Variants in SYAP1 observed in about 807,000 individuals in gnomAD.
The protein encoded by SYAP1 is synapse-associated protein 1.
SYAP1 carries 3 observed loss-of-function variants against 29.6 expected under a neutral mutation model. That is an observed-to-expected ratio of 0.10 (90% CI 0.05 to 0.26). SYAP1 has a LOEUF of 0.26. Ranked by LOEUF, SYAP1 falls within the 10% of genes least tolerant of loss-of-function variation. The pLI is 1.00. For missense variants in SYAP1, 217 were observed against 264.1 expected, an observed-to-expected ratio of 0.82 and a Z score of 1.24; for synonymous variants, 102 against 102.7, an observed-to-expected ratio of 0.99 and a Z score of 0.04.
At chrX:16,750,250 A>G (rs1033059192) in intron 5 of SYAP1, among the ~76,000 whole-genome samples, 1 of 111,944 alleles carries the variant, frequency 8.9e-6, no homozygotes, top group Non-Finnish European at 1.9e-5. Flanking sequence ...CTCTTTTAGC[A>G]GTGGTAGCAT....
intron 1 of SYAP1, among the ~76,000 whole-genome samples, chrX:16,730,268 C>A (rs1473728082): frequency 8.9e-6 from 1 of 112,183 alleles, no homozygotes; most frequent in Non-Finnish European, 1.9e-5. Flanking sequence ...GCAGGAGAAT[C>A]GCTTGAAACC....
chrX:16,725,225 T>A (rs58211010), intron 1 of SYAP1, among the ~76,000 whole-genome samples: 3 of 112,401 alleles, frequency 2.7e-5, no homozygotes, highest in African/African-American at 9.7e-5. Flanking sequence ...TACATTTGAA[T>A]TTGACTTCCT....
chrX:16,752,586 ACT>A (rs1485345757), intron 5 of SYAP1, among the ~76,000 whole-genome samples: 1 of 108,647 alleles, frequency 9.2e-6, no homozygotes, highest in Non-Finnish European at 1.9e-5. Flanking sequence ...TTACCATCTC[ACT>A]CTCAGACCCC....
At chrX:16,747,067 C>T (rs1926625759) in intron 5 of SYAP1, among the ~76,000 whole-genome samples, 2 of 111,493 alleles carry the variant, frequency 1.8e-5, no homozygotes, top group Middle Eastern at 4.6e-3. Context: ...TTTCCTGTCT[C>T]GGCCTCCCAA....
chrX:16,734,186 C>T lies in SYAP1; in HGVS notation c.176-1041C>T, dbSNP rs895135830. Among the ~76,000 whole-genome samples the T allele has an allele frequency of 5.5e-5, 6 of 109,119 alleles. No homozygotes were observed. The East Asian group carries it at 1.7e-3, about 32-fold the overall frequency. 94.8% of individuals were successfully genotyped at this position (109,119 alleles called of 115,157 possible). A position where few individuals can be genotyped will look rare whatever the true frequency, so the allele number is the denominator to read the frequency against. ...CTGAGGTCAGGAGTTTGAGACCAGC[C>T]TGGCCAACATGGTGAAATCCCATCT... On this transcript the variant is annotated intron_variant, in intron 1 of 8. Transcript: ENST00000380155.
chrX:16,734,944 A>G (rs990807078), intron 1 of SYAP1, among the ~76,000 whole-genome samples: 8 of 97,773 alleles, frequency 8.2e-5, no homozygotes, highest in Non-Finnish European at 1.0e-4. Context: ...GCTTGCAGTG[A>G]GCTGAGATCA....
chrX:16,765,185 A>G lies in SYAP1; in HGVS notation c.*4826A>G, dbSNP rs1199161930. ...ATCAAATTATTTATCTGGTCTTCACACTAAGGGATTTACTTAGATAAGCCA... is the reference window on the plus strand; with the variant it reads ...ATCAAATTATTTATCTGGTCTTCACGCTAAGGGATTTACTTAGATAAGCCA... On this transcript the variant is annotated 3_prime_UTR_variant, in exon 9 of 9. Coordinates refer to ENST00000380155, the MANE Select transcript of SYAP1 (RefSeq NM_032796.4). 1 of 112,450 alleles carries G rather than the reference A, an allele frequency of 8.9e-6. No individual in the cohort carries two copies. Among genetic ancestry groups the G allele is most frequent in the African/African-American group, 3.2e-5 (1 of 31,031 alleles). The allele number at this position is 112,450 out of a possible 1,213,427, so 9.3% of individuals were successfully genotyped here.
intron 2 of SYAP1, among the ~76,000 whole-genome samples, chrX:16,735,611 G>A (rs1051309972): frequency 3.6e-5 from 4 of 111,490 alleles, no homozygotes; most frequent in Non-Finnish European, 7.5e-5. Flanking sequence ...AACTTTTCAT[G>A]TTGGTTGTTT....
Position 16,760,500 on chromosome X carries a change from T to A in SYAP1, c.*141T>A. ...ATTATTCTTTTTTCAAGTTGAAACT[T>A]GCCTCTTCTACTTTAAAAAAGTATA... On this transcript the variant is annotated 3_prime_UTR_variant, in exon 9 of 9. Transcript: ENST00000380155. The A allele has an allele frequency of 3.6e-6, 2 of 560,305 alleles. No individual in the cohort carries two copies. Among genetic ancestry groups the A allele is most frequent in the Non-Finnish European group, 5.1e-6 (2 of 389,035 alleles). 46.2% of individuals were successfully genotyped at this position (560,305 alleles called of 1,213,427 possible). A position where few individuals can be genotyped will look rare whatever the true frequency, so the allele number is the denominator to read the frequency against.
At chrX:16,729,829 C>T (rs1473671823) in intron 1 of SYAP1, among the ~76,000 whole-genome samples, 2 of 111,224 alleles carry the variant, frequency 1.8e-5, no homozygotes, top group African/African-American at 6.5e-5. Context: ...CTGGATGATA[C>T]TCTTTTAACT....
chrX:16,757,402 A>C (rs542632476), intron 8 of SYAP1, 93 bp downstream of exon 8: 1 of 976,330 alleles, frequency 1.0e-6, no homozygotes, highest in Middle Eastern at 3.5e-4. Flanking sequence ...GCCAGTGCAC[A>C]AAAATGTGTT....
chrX:16,727,672 C>G, intron 1 of SYAP1, among the ~76,000 whole-genome samples: 1 of 110,618 alleles, frequency 9.0e-6, no homozygotes, highest in African/African-American at 3.3e-5. Context: ...CCAAGCCCAG[C>G]CATGGATTTG....
Position 16,743,772 on chromosome X carries a change from C to T in SYAP1, c.507C>T (p.Pro169=), listed in dbSNP as rs749574916. 8 of 1,208,396 alleles carry T rather than the reference C, an allele frequency of 6.6e-6. No homozygotes were observed. Among genetic ancestry groups the T allele is most frequent in the Admixed American group, 6.6e-5 (3 of 45,573 alleles). Residue 169 remains proline (P), a synonymous_variant, in exon 5 of 9, where the codon CCC becomes CCT. Coordinates refer to ENST00000380155, the MANE Select transcript of SYAP1 (RefSeq NM_032796.4). ...ATTTCGACTTTGATCAGATGTACCC[C>T]GTGGCCCTGGTCATGCTCCAGGAGG... ...QFNFDFDQMY[P]VALVMLQEDE...
chrX:16,741,326 T>C (rs1386980756), intron 3 of SYAP1, among the ~76,000 whole-genome samples: 1 of 110,945 alleles, frequency 9.0e-6, no homozygotes, highest in African/African-American at 3.3e-5. Flanking sequence ...GCCTCCCAAG[T>C]AGCTGGGACT....
chrX:16,719,908 A>C lies in SYAP1; in HGVS notation c.175+9A>C, dbSNP rs775680294. The C allele has an allele frequency of 1.1e-5, 13 of 1,165,048 alleles. No homozygotes were observed. The Admixed American group carries it at 3.4e-4, about 31-fold the overall frequency. On this transcript the variant is annotated intron_variant, in intron 1 of 8. Transcript: ENST00000380155. ...GGCCAAAGACTTCGGCAGTGAGTCTACCCTGGCTCTGGGACCGGGAAGGGG... is the reference window on the plus strand; with the variant it reads ...GGCCAAAGACTTCGGCAGTGAGTCTCCCCTGGCTCTGGGACCGGGAAGGGG...
intron 5 of SYAP1, among the ~76,000 whole-genome samples, chrX:16,747,821 G>A (rs1197460822): frequency 8.9e-6 from 1 of 111,957 alleles, no homozygotes; most frequent in Non-Finnish European, 1.9e-5. Context: ...AATGGCTCAC[G>A]CCTGTAATCC....
chrX:16,739,476 CTTTTTT>C (rs760754281), intron 3 of SYAP1, among the ~76,000 whole-genome samples: 5 of 81,522 alleles, frequency 6.1e-5, no homozygotes, highest in African/African-American at 2.0e-4. Flanking sequence ...CTCTCTCTCT[CTTTTTT>C]TTTTTTTTTT....
In SYAP1 at chrX:16,757,162, G is replaced by A. The variant is rs760732894; in HGVS notation, c.784G>A (p.Asp262Asn). 1.7e-6 allele frequency: 2 copies of A among 1,210,849 alleles called. No homozygotes were observed. The highest frequency in any genetic ancestry group is 5.9e-5 in the East Asian group (2 of 33,842). The change falls in exon 8 of 9, where the codon GAT (aspartate) becomes AAT (asparagine). Residue 262 changes from aspartate (D) to asparagine (N), a missense_variant and splice_region_variant. Coordinates refer to ENST00000380155, the MANE Select transcript of SYAP1 (RefSeq NM_032796.4). ...CAAGAGCTCATTTGTTGCATTTCAG[G>A]ATGAGGAAGAAATTTCTACTAGCCC... ...VIKSQLKTQEDEEEISTSPGV... is the reference protein window; with the variant it reads ...VIKSQLKTQENEEEISTSPGV...
At chrX:16,736,500 TTCTC>T in intron 3 of SYAP1, 1 of 246,304 alleles carries the variant, frequency 4.1e-6, no homozygotes, top group Non-Finnish European at 7.3e-6. Flanking sequence ...AGTTCTGACT[TTCTC>T]TTTTCTTTTC....
Sources: allele counts gnomAD v4.1 joint callset (sites outside exome capture counted in the v4.1 genomes callset), GRCh38; gene constraint gnomAD v4.1.1; transcripts MANE v1.5; gene names NCBI Gene and HGNC (gene_info 2026-07-23, HGNC 2026-07-21).